The following TMEM154 variants were observed in gnomAD, a reference collection of about 807,000 sequenced individuals.
TMEM154 encodes transmembrane protein 154.
Under a neutral mutation model 24.5 loss-of-function variants are expected in TMEM154, and 27 were observed. That is an observed-to-expected ratio of 1.10 (90% confidence interval 0.81 to 1.52). The LOEUF is 1.52. Ranked by LOEUF, TMEM154 falls within the 40% of genes most tolerant of loss-of-function variation. The probability of loss-of-function intolerance (pLI) is 0.00; values close to 1 mark genes in which losing one functional copy is unlikely to be tolerated. For synonymous variants in TMEM154, 67 were observed against 76.8 expected (o/e 0.87, Z 0.67); for missense variants, 228 against 213.4 (o/e 1.07, Z -0.43).
chr4:152,639,277 A>T (rs183012068), intron 6 of TMEM154, among the ~76,000 whole-genome samples: 1 of 152,330 alleles, frequency 6.6e-6, no homozygotes, highest in Admixed American at 6.5e-5. Context: ...AGAAGATTTC[A>T]CTGCCATACA....
At chr4:152,666,153 G>A (rs1041408304) in intron 1 of TMEM154, among the ~76,000 whole-genome samples, 1 of 152,144 alleles carries the variant, frequency 6.6e-6, no homozygotes, top group Admixed American at 6.5e-5. Context: ...CATACTGGTT[G>A]AAGTTGCTCA....
chr4:152,644,120 G>A (rs1752308893), intron 4 of TMEM154, among the ~76,000 whole-genome samples: 2 of 152,200 alleles, frequency 1.3e-5, no homozygotes. Context: ...GCTAGGGATA[G>A]AATATTTAAC....
At chr4:152,652,239 T>C (rs1356644608) in intron 3 of TMEM154, among the ~76,000 whole-genome samples, 4 of 151,572 alleles carry the variant, frequency 2.6e-5, no homozygotes, top group Admixed American at 2.0e-4. Context: ...ATAGACTGGT[T>C]TGAGGCAATG....
intron 1 of TMEM154, among the ~76,000 whole-genome samples, chr4:152,674,460 T>C (rs1227632511): frequency 6.6e-6 from 1 of 152,168 alleles, no homozygotes; most frequent in Non-Finnish European, 1.5e-5. Context: ...CCTTTCTTCT[T>C]TCTTGAGGGC....
intron 1 of TMEM154, among the ~76,000 whole-genome samples, chr4:152,658,467 TAAAAACAAACA>T (rs755088061): frequency 1.3e-5 from 2 of 151,858 alleles, no homozygotes; most frequent in Non-Finnish European, 1.5e-5. Context: ...AAATAGAGAC[TAAAAACAAACA>T]AAAAACAAAC....
At chr4:152,635,527 A>C (rs1284817914) in intron 6 of TMEM154, among the ~76,000 whole-genome samples, 1 of 152,210 alleles carries the variant, frequency 6.6e-6, no homozygotes, top group East Asian at 1.9e-4. Context: ...GTGCTCAATA[A>C]ATGTCTTTTG....
chr4:152,674,757 A>G (rs1316292746), intron 1 of TMEM154, among the ~76,000 whole-genome samples: 1 of 152,190 alleles, frequency 6.6e-6, no homozygotes, highest in East Asian at 1.9e-4. Context: ...AGCACTTTAT[A>G]GTAGCTTGGT....
At chr4:152,630,162 A>G (rs1360557797) in intron 6 of TMEM154, among the ~76,000 whole-genome samples, 3 of 151,918 alleles carry the variant, frequency 2.0e-5, no homozygotes, top group Non-Finnish European at 4.4e-5. Context: ...AAAATTAAAC[A>G]TTAGCCAAGT....
chr4:152,647,843 G>A (rs1728293383), intron 3 of TMEM154, among the ~76,000 whole-genome samples: 1 of 152,094 alleles, frequency 6.6e-6, no homozygotes, highest in Non-Finnish European at 1.5e-5. Context: ...GGTGGGTATT[G>A]AATTTGCCCA....
At chr4:152,635,502 T>A (rs562511188) in intron 6 of TMEM154, among the ~76,000 whole-genome samples, 1 of 152,338 alleles carries the variant, frequency 6.6e-6, no homozygotes, top group East Asian at 1.9e-4. Context: ...GTAGACAGTG[T>A]CAGGCACATA....
intron 3 of TMEM154, among the ~76,000 whole-genome samples, chr4:152,651,234 C>T (rs1728376589): frequency 6.7e-6 from 1 of 150,338 alleles, no homozygotes; most frequent in Admixed American, 6.6e-5. Context: ...GTTAGCCAGG[C>T]TGGTCTCAAA....
chr4:152,647,129 C>T, intron 3 of TMEM154: 2 of 1,460,468 alleles, frequency 1.4e-6, no homozygotes, highest in Non-Finnish European at 9.1e-7. Flanking sequence ...AGTCCTCTCC[C>T]ATTGTCAAAT....
At position 152,652,536 on chromosome 4, in the gene TMEM154, A is replaced by G; in HGVS notation, c.364+2T>C. Reference sequence around the variant, plus strand: ...GTAGGCAGGTTTTAGGATAATACTCACATGTCTGTAAAGCACTCTGAGATC... The same window carrying G: ...GTAGGCAGGTTTTAGGATAATACTCGCATGTCTGTAAAGCACTCTGAGATC... On this transcript the variant is annotated splice_donor_variant, in intron 3 of 6. Transcript: ENST00000304385. LOFTEE classifies it high-confidence loss of function. The G allele has an allele frequency of 1.2e-6, 2 of 1,613,984 alleles. No homozygotes were observed. The highest frequency in any genetic ancestry group is 2.2e-5 in the East Asian group (1 of 44,862).
intron 6 of TMEM154, among the ~76,000 whole-genome samples, 178 bp from the exon 7 acceptor site, chr4:152,628,739 T>G (rs1342836730): frequency 6.8e-6 from 1 of 148,070 alleles, no homozygotes; most frequent in Non-Finnish European, 1.5e-5. Flanking sequence ...CAGGTTCAGG[T>G]CATTCTCCTG....
intron 1 of TMEM154, among the ~76,000 whole-genome samples, chr4:152,661,284 T>TTCTCTCTCTCTCTCTCTC (rs70949609): frequency 2.5e-4 from 16 of 63,448 alleles, no homozygotes; most frequent in East Asian, 5.2e-4. Flanking sequence ...ATTGTTCTCT[T>TTCTCTCTCTCTCTCTCTC]TCTCTCTCTC....
At chr4:152,653,302 G>A (rs1728425214) in intron 1 of TMEM154, among the ~76,000 whole-genome samples, 1 of 152,078 alleles carries the variant, frequency 6.6e-6, no homozygotes. Flanking sequence ...TTAACAAAAT[G>A]TCTGAATAAA....
chr4:152,639,693 A>G (rs548388237), intron 6 of TMEM154: 37 of 152,414 alleles, frequency 2.4e-4, no homozygotes, highest in African/African-American at 8.2e-4. Flanking sequence ...GCTCACTACA[A>G]TCCTGAAATC....
At chr4:152,651,548 C>T (rs1377445636) in intron 3 of TMEM154, among the ~76,000 whole-genome samples, 2 of 152,218 alleles carry the variant, frequency 1.3e-5, no homozygotes, top group South Asian at 4.1e-4. Flanking sequence ...GCAGCTTCCT[C>T]ACCTCTCTCA....
intron 1 of TMEM154, among the ~76,000 whole-genome samples, chr4:152,656,214 C>A (rs1728488714): frequency 6.6e-6 from 1 of 152,200 alleles, no homozygotes. Flanking sequence ...ACTGCCAACA[C>A]CCACGTCAAT....
Sources: allele counts gnomAD v4.1 joint callset (sites outside exome capture counted in the v4.1 genomes callset), GRCh38; gene constraint gnomAD v4.1.1; transcripts MANE v1.5; gene names NCBI Gene and HGNC (gene_info 2026-07-23, HGNC 2026-07-21).